FER: variants seen among roughly 807,000 people sequenced by gnomAD.
FER encodes FER tyrosine kinase.
A neutral mutation model predicts 111.0 loss-of-function variants in FER; 63 were observed. The ratio of observed to expected loss-of-function variants is 0.57; its 90% CI spans 0.46 to 0.70. The LOEUF (loss-of-function observed/expected upper bound fraction) is 0.70. FER is among the 30% of genes least tolerant of loss of function. The pLI is 0.00. For synonymous variants in FER, 327 were observed against 313.9 expected (o/e 1.04, Z -0.44); for missense variants, 914 against 954.0 (o/e 0.96, Z 0.55).
At chr5:108,923,094 T>C (rs760075308) in intron 10 of FER, among the ~76,000 whole-genome samples, 2 of 152,108 alleles carry the variant, frequency 1.3e-5, no homozygotes, top group Non-Finnish European at 2.9e-5. Context: ...ATAGGGTTAA[T>C]GTGGGGAGTT....
chr5:108,796,830 T>C (rs888761219), intron 2 of FER, among the ~76,000 whole-genome samples: 4 of 152,086 alleles, frequency 2.6e-5, no homozygotes, highest in Non-Finnish European at 4.4e-5. Flanking sequence ...AGGCCTGGAA[T>C]TGGGGGCCGT....
At chr5:108,931,229 A>G (rs746121501) in intron 10 of FER, among the ~76,000 whole-genome samples, 4 of 152,178 alleles carry the variant, frequency 2.6e-5, no homozygotes, top group Admixed American at 1.3e-4. Flanking sequence ...TCTCTTTTCA[A>G]CAGAGACTTC....
At chr5:108,860,772 C>G (rs1763439874) in intron 5 of FER, among the ~76,000 whole-genome samples, 1 of 152,106 alleles carries the variant, frequency 6.6e-6, no homozygotes, top group African/African-American at 2.4e-5. Context: ...CATATAATTA[C>G]TGGGTAATTT....
At chr5:109,141,223 C>T (rs1308051894) in intron 17 of FER, among the ~76,000 whole-genome samples, 2 of 152,106 alleles carry the variant, frequency 1.3e-5, no homozygotes, top group African/African-American at 4.8e-5. Flanking sequence ...AATTCAACTT[C>T]CTTTCTCAAT....
chr5:108,748,738 C>G (rs1022772414), intron 1 of FER: 1 of 152,334 alleles, frequency 6.6e-6, no homozygotes, highest in Non-Finnish European at 1.5e-5. Flanking sequence ...CAAGTCCTGC[C>G]CCTTCGGGGA....
At chr5:108,979,092 C>G (rs1761736459) in intron 13 of FER, among the ~76,000 whole-genome samples, 1 of 152,030 alleles carries the variant, frequency 6.6e-6, no homozygotes, top group Non-Finnish European at 1.5e-5. Flanking sequence ...TTTGGAGAGG[C>G]CTGAGTTACC....
intron 16 of FER, among the ~76,000 whole-genome samples, chr5:109,048,617 T>C (rs960157382): frequency 1.3e-5 from 2 of 152,188 alleles, no homozygotes; most frequent in African/African-American, 4.8e-5. Context: ...GTAACCTGTT[T>C]ATATTTTTTA....
intron 10 of FER, among the ~76,000 whole-genome samples, chr5:108,931,934 G>A (rs1273573745): frequency 6.6e-6 from 1 of 151,876 alleles, no homozygotes; most frequent in African/African-American, 2.4e-5. Context: ...GGAGGTAGAG[G>A]CCCTCCATCC....
In FER at chr5:108,867,849, G is replaced by A. The variant is rs764496636; in HGVS notation, c.564G>A (p.Ala188=). The A allele has an allele frequency of 1.4e-5, 22 of 1,612,756 alleles. No homozygotes were observed. Among genetic ancestry groups the A allele is most frequent in the Admixed American group, 1.0e-4 (6 of 59,860 alleles). The part of the protein sequence containing the change: ...LHMLHNQYVL[A]LKGAQLHQNQ... ...TGTTGCACAATCAGTATGTATTGGC[G>A]TTGAAAGGGGCACAGCTCCATCAGA... is the stretch of plus-strand genomic sequence containing the variant. Residue 188 remains alanine (A), a synonymous_variant, in exon 6 of 20, where the codon GCG becomes GCA. Coordinates refer to ENST00000281092, the MANE Select transcript of FER (RefSeq NM_005246.4).
At chr5:109,183,998 TA>T (rs575269047) in intron 18 of FER, among the ~76,000 whole-genome samples, 3 of 151,468 alleles carry the variant, frequency 2.0e-5, no homozygotes, top group Non-Finnish European at 3.0e-5. Flanking sequence ...TCATATACTT[TA>T]AAAAAAAATA....
At chr5:109,187,365 T>G in intron 19 of FER, 68 bp from the exon 20 acceptor site, 1 of 1,515,044 alleles carries the variant, frequency 6.6e-7, no homozygotes, top group Non-Finnish European at 9.0e-7. Context: ...AACTGCATAA[T>G]GCCCTGTGTG....
chr5:108,876,477 C>T (rs1249385594), intron 8 of FER, among the ~76,000 whole-genome samples: 2 of 152,144 alleles, frequency 1.3e-5, no homozygotes, highest in Non-Finnish European at 2.9e-5. Flanking sequence ...GAGTGCCACA[C>T]ATATCAGTAT....
At chr5:109,065,598 G>A (rs1020707161) in intron 16 of FER, among the ~76,000 whole-genome samples, 3 of 152,146 alleles carry the variant, frequency 2.0e-5, no homozygotes, top group Admixed American at 6.5e-5. Context: ...GGCTCATCCC[G>A]TAATCCTAGC....
chr5:109,029,256 T>TA (rs1769239422), intron 13 of FER, among the ~76,000 whole-genome samples: 1 of 148,776 alleles, frequency 6.7e-6, no homozygotes, highest in Non-Finnish European at 1.5e-5. Context: ...TTTTTTTTTT[T>TA]ATTATTATAC....
intron 3 of FER, among the ~76,000 whole-genome samples, chr5:108,823,401 C>T (rs544554882): frequency 6.6e-6 from 1 of 152,276 alleles, no homozygotes; most frequent in South Asian, 2.1e-4. Flanking sequence ...TTTCCATCAA[C>T]AGTGTATAGT....
chr5:109,105,156 T>G (rs888961457), intron 17 of FER, among the ~76,000 whole-genome samples: 1 of 152,062 alleles, frequency 6.6e-6, no homozygotes, highest in Non-Finnish European at 1.5e-5. Flanking sequence ...GATTGCCTTG[T>G]CCAGTGATTT....
intron 13 of FER, among the ~76,000 whole-genome samples, chr5:109,037,070 C>T (rs1770508060): frequency 6.6e-6 from 1 of 152,008 alleles, no homozygotes; most frequent in Admixed American, 6.6e-5. Flanking sequence ...ATTGTAAAAT[C>T]AAACTCCCTC....
Position 109,071,808 on chromosome 5 carries a change from C to G in FER, c.1924+24610C>G, listed in dbSNP as rs114785324. ...CATGTGTCCAGAAATTTTTAACTAA[C>G]ATTCTTATTAAGCAACAAATTAATG... On this transcript the variant is annotated intron_variant, in intron 16 of 19. Transcript: ENST00000281092. Among the ~76,000 whole-genome samples the G allele has an allele frequency of 5.5e-3, 832 of 152,030 alleles. 6 individuals carry two copies. The highest frequency in any genetic ancestry group is 0.019 in the African/African-American group (792 of 41,536).
At chr5:109,116,164 T>A (rs1468860289) in intron 17 of FER, among the ~76,000 whole-genome samples, 1 of 152,072 alleles carries the variant, frequency 6.6e-6, no homozygotes, top group African/African-American at 2.4e-5. Flanking sequence ...CACCTTGCTC[T>A]AATGGTAGCA....
Sources: gnomAD v4.1 joint callset for allele counts (sites outside exome capture counted in the v4.1 genomes callset) on GRCh38, gnomAD v4.1.1 for gene constraint, MANE v1.5 for transcripts, NCBI Gene and HGNC (gene_info 2026-07-23, HGNC 2026-07-21) for gene names.